LINGO2: variants seen among roughly 807,000 people sequenced by gnomAD.
LINGO2 encodes leucine rich repeat and Ig domain containing 2.
In LINGO2, 14 loss-of-function variants were observed where a neutral mutation model predicts 30.6. That is an observed-to-expected ratio of 0.46 (90% CI 0.30 to 0.72). The LOEUF (loss-of-function observed/expected upper bound fraction) is 0.72. Among genes scored for constraint, LINGO2 ranks in the 30% least tolerant of loss-of-function variants. LINGO2 has a pLI of 0.07. For missense variants in LINGO2, 729 were observed against 751.7 expected (o/e 0.97, Z 0.35); for synonymous variants, 317 against 288.5 (o/e 1.10, Z -1.00).
At chr9:29,081,756 G>A in the LINGO2 span, among the ~76,000 whole-genome samples, 7 of 152,208 alleles carry the variant, frequency 4.6e-5, no homozygotes, top group East Asian at 9.7e-4. Flanking sequence ...AAATCAATGT[G>A]CAAAATTCAC....
chr9:29,031,272 G>GATTTATTTATTTATTTATTT, the LINGO2 span, among the ~76,000 whole-genome samples: 2 of 146,256 alleles, frequency 1.4e-5, no homozygotes, highest in African/African-American at 5.0e-5. Context: ...TGGTGGTGGT[G>GATTTATTTATTTATTTATTT]ATTTATTTAT....
rs1824986159 is a variant in LINGO2, at chr9:28,057,559, A to ATATACACATATATATACACATATATG, written c.-86-45155_-86-45154insCATATATGTGTATATATATGTGTATA. Among the ~76,000 whole-genome samples the ATATACACATATATATACACATATATG allele has an allele frequency of 2.1e-4, 27 of 126,168 alleles. 1 individual carries two copies. Among genetic ancestry groups the ATATACACATATATATACACATATATG allele is most frequent in the African/African-American group, 7.6e-4 (25 of 32,836 alleles). 82.8% of individuals were successfully genotyped at this position (126,168 alleles called of 152,430 possible). ...CACACACATATGTATATAAGTATATATATATACATATATATACACATATAT... is the reference window on the plus strand; with the variant it reads ...CACACACATATGTATATAAGTATATATATACACATATATATACACATATATGTATATACATATATATACACATATAT... On this transcript the variant is annotated intron_variant, in intron 4 of 5. Coordinates refer to ENST00000379992, the Ensembl canonical transcript of LINGO2.
intron 1 of LINGO2, among the ~76,000 whole-genome samples, chr9:28,645,435 C>A (rs1280353985): frequency 1.3e-5 from 2 of 152,086 alleles, no homozygotes; most frequent in African/African-American, 2.4e-5. Context: ...AAAACAAAGT[C>A]CACCTGCGGA....
At chr9:27,973,433 AAG>A (rs1359978945) in intron 5 of LINGO2, among the ~76,000 whole-genome samples, 4 of 152,174 alleles carry the variant, frequency 2.6e-5, no homozygotes, top group African/African-American at 9.7e-5. Context: ...CTTCCAATAG[AAG>A]AGTGTAGAAC....
At chr9:28,009,085 A>G (rs1822416206) in intron 5 of LINGO2, among the ~76,000 whole-genome samples, 1 of 152,160 alleles carries the variant, frequency 6.6e-6, no homozygotes, top group Admixed American at 6.5e-5. Context: ...ATGGAATAGA[A>G]TTGAGAGTCT....
At chr9:28,765,009 T>A in the LINGO2 span, among the ~76,000 whole-genome samples, 1 of 151,984 alleles carries the variant, frequency 6.6e-6, no homozygotes, top group Non-Finnish European at 1.5e-5. Context: ...CACAAATAAA[T>A]GAAAAGATAT....
intron 1 of LINGO2, among the ~76,000 whole-genome samples, chr9:28,571,209 A>G (rs1011638913): frequency 6.6e-6 from 1 of 151,878 alleles, no homozygotes. Flanking sequence ...TGGCTGGGGG[A>G]AAATGCATTT....
the LINGO2 span, among the ~76,000 whole-genome samples, chr9:29,072,635 A>T: frequency 6.7e-6 from 1 of 149,772 alleles, no homozygotes; most frequent in Non-Finnish European, 1.5e-5. Context: ...ATATATCAAG[A>T]GTCCTAAATA....
chr9:28,501,516 C>G (rs1262326487), intron 1 of LINGO2, among the ~76,000 whole-genome samples: 1 of 152,082 alleles, frequency 6.6e-6, no homozygotes, highest in Admixed American at 6.6e-5. Flanking sequence ...AAAAATAGAT[C>G]TAAAGTGCCA....
intron 4 of LINGO2, among the ~76,000 whole-genome samples, chr9:28,204,958 C>T (rs1820360833): frequency 6.6e-6 from 1 of 152,102 alleles, no homozygotes; most frequent in Non-Finnish European, 1.5e-5. Context: ...CCCACTAGCC[C>T]AATTGGCCTC....
intron 1 of LINGO2, among the ~76,000 whole-genome samples, chr9:28,541,446 G>A (rs1179264584): frequency 6.6e-6 from 1 of 152,086 alleles, no homozygotes; most frequent in African/African-American, 2.4e-5. Context: ...AACATTCATT[G>A]TCAGAAAAAT....
In LINGO2 at chr9:28,568,699, G is replaced by A. The variant is rs1040318756; in HGVS notation, c.-364-92674C>T. 1.1e-4 allele frequency among the ~76,000 whole-genome samples: 12 copies of A among 107,876 alleles called. 1 individual carries two copies. The highest frequency in any genetic ancestry group is 8.0e-5 in the African/African-American group (2 of 24,902). 70.8% of individuals were successfully genotyped at this position (107,876 alleles called of 152,430 possible). ...GAGTGTGGAAATATATATTGAAAAT[G>A]CTGAAAGAAAAAATAAAAACTTCCT... is the stretch of plus-strand genomic sequence containing the variant. On this transcript the variant is annotated intron_variant, in intron 1 of 5. Transcript: ENST00000379992.
chr9:28,106,508 CA>C (rs1563978460), intron 4 of LINGO2, among the ~76,000 whole-genome samples: 1 of 152,146 alleles, frequency 6.6e-6, no homozygotes, highest in African/African-American at 2.4e-5. Context: ...TATTTAATCT[CA>C]TGCCTGACTG....
chr9:28,227,928 T>A (rs1044369654), intron 4 of LINGO2, among the ~76,000 whole-genome samples: 2 of 152,110 alleles, frequency 1.3e-5, no homozygotes, highest in African/African-American at 4.8e-5. Context: ...CTTTGATGAA[T>A]AATACACTAT....
At chr9:29,203,797 T>C in the LINGO2 span, among the ~76,000 whole-genome samples, 3 of 152,230 alleles carry the variant, frequency 2.0e-5, no homozygotes, top group Non-Finnish European at 2.9e-5. Context: ...CTGACATTTC[T>C]TGTGCAACAT....
chr9:28,897,655 A>G, the LINGO2 span, among the ~76,000 whole-genome samples: 2 of 152,098 alleles, frequency 1.3e-5, no homozygotes, highest in South Asian at 4.1e-4. Flanking sequence ...TCTATGCCTA[A>G]TTTCCTCTCC....
chr9:28,948,982 C>G, the LINGO2 span, among the ~76,000 whole-genome samples: 3 of 151,892 alleles, frequency 2.0e-5, no homozygotes, highest in Non-Finnish European at 4.4e-5. Context: ...ATCTCAATTC[C>G]TCTTATCGGT....
the LINGO2 span, among the ~76,000 whole-genome samples, chr9:28,878,553 C>A: frequency 1.3e-5 from 2 of 152,130 alleles, no homozygotes; most frequent in Non-Finnish European, 2.9e-5. Context: ...AATTTTAGAC[C>A]AATATCCTTG....
chr9:28,430,126 G>C (rs1455370162), intron 2 of LINGO2, among the ~76,000 whole-genome samples: 1 of 147,404 alleles, frequency 6.8e-6, no homozygotes, highest in East Asian at 2.1e-4. Context: ...GTGTGTGTGT[G>C]TGTGATTCTG....
Sources: allele counts gnomAD v4.1 joint callset (sites outside exome capture counted in the v4.1 genomes callset), GRCh38; gene constraint gnomAD v4.1.1; transcripts MANE v1.5; gene names NCBI Gene and HGNC (gene_info 2026-07-23, HGNC 2026-07-21).